KCNC3: variants seen among roughly 807,000 people sequenced by gnomAD.
KCNC3 encodes voltage-gated potassium channel KCNC3.
A neutral mutation model predicts 43.9 loss-of-function variants in KCNC3; 22 were observed. That is an observed-to-expected ratio of 0.50 (90% CI 0.36 to 0.72). KCNC3 has a LOEUF of 0.72. Among genes scored for constraint, KCNC3 ranks in the 30% least tolerant of loss-of-function variants. The probability of loss-of-function intolerance (pLI) is 0.00; values close to 1 mark genes in which losing one functional copy is unlikely to be tolerated. For synonymous variants in KCNC3, 492 were observed against 488.0 expected, an observed-to-expected ratio of 1.01 and a Z score of -0.11; for missense variants, 829 against 1,073.8, an observed-to-expected ratio of 0.77 and a Z score of 3.19.
At chr19:50,318,298 C>A (rs12972179) in intron 4 of KCNC3, among the ~76,000 whole-genome samples, 69,768 of 151,694 alleles carry the variant, frequency 0.46, 16,400 homozygotes, top group Non-Finnish European at 0.49. Flanking sequence ...CCCCAGCCTC[C>A]CAAGTAGCTG....
At chr19:50,329,866 CG>C, upstream of KCNC3, 1 of 152,476 alleles carries the variant, frequency 6.6e-6, no homozygotes, top group Non-Finnish European at 1.5e-5. Flanking sequence ...AGGGAGGGAG[CG>C]GGGCTGAGGC....
At chr19:50,317,118 G>C (rs1220411085) in intron 4 of KCNC3, among the ~76,000 whole-genome samples, 1 of 149,504 alleles carries the variant, frequency 6.7e-6, no homozygotes. Context: ...GGAAGGTAAA[G>C]GACTGGGAGT....
At chr19:50,320,924 AG>A in intron 2 of KCNC3, 140 bp from the exon 3 acceptor site, 1 of 653,824 alleles carries the variant, frequency 1.5e-6, no homozygotes, top group African/African-American at 1.9e-5. Context: ...ATTCAAGGGC[AG>A]GGTGATGGGA....
At chr19:50,322,464 C>T (rs1174747195) in intron 2 of KCNC3, among the ~76,000 whole-genome samples, 2 of 152,088 alleles carry the variant, frequency 1.3e-5, no homozygotes, top group Admixed American at 6.5e-5. Context: ...AACTCTCTGC[C>T]GCTGACCGCC....
chr19:50,329,011 C>A lies in KCNC3; in HGVS notation c.72G>T (p.Pro24=). 1 of 1,274,556 alleles carries A rather than the reference C, an allele frequency of 7.8e-7. No homozygotes were observed. Among genetic ancestry groups the A allele is most frequent in the Non-Finnish European group, 1.0e-6 (1 of 1,002,222 alleles). The allele number at this position is 1,274,556 out of a possible 1,614,324, so 79.0% of individuals were successfully genotyped here. A position where few individuals can be genotyped will look rare whatever the true frequency, so the allele number is the denominator to read the frequency against. The change falls in exon 1 of 5, where the codon CCG becomes CCT. Residue 24 remains proline (P), a synonymous_variant. Transcript: ENST00000477616. ...GCGGCGGGGACTCGGGCGGCTGCGG[C>A]GGTGGCGCCGGCTGCTGCTTGCTGG... is the stretch of plus-strand genomic sequence containing the variant. ...QGASKQQPAP[P]PQPPESPPPP...
At position 50,324,200 on chromosome 19, in the gene KCNC3, C is replaced by T; in HGVS notation, c.871-118G>A. On this transcript the variant is annotated intron_variant, in intron 1 of 4. Coordinates refer to ENST00000477616, the MANE Select transcript of KCNC3 (RefSeq NM_004977.3). The surrounding 1 kb of genome is among the most constrained non-coding windows in gnomAD (Gnocchi z 4.1). ...CAGCCTCCTGGGCCCAAACTCTGGG[C>T]AAAATCCAGGTGTCTCAGCCCTGTG... The T allele has an allele frequency of 1.0e-6, 1 of 1,002,570 alleles. No homozygotes were observed. The highest frequency in any genetic ancestry group is 1.7e-5 in the South Asian group (1 of 58,844). The allele number at this position is 1,002,570 out of a possible 1,614,324, so 62.1% of individuals were successfully genotyped here.
At position 50,324,103 on chromosome 19, in the gene KCNC3, G is replaced by C. The variant is rs116645906; in HGVS notation, c.871-21C>G. The C allele has an allele frequency of 3.0e-3, 4,680 of 1,562,576 alleles. 116 individuals are homozygous for C. In the African/African-American group the frequency reaches 0.057, roughly 19 times the overall value. On this transcript the variant is annotated intron_variant, in intron 1 of 4. Transcript: ENST00000477616. This position sits in a 1 kb window ranked among gnomAD's most constrained non-coding sequence, Gnocchi z 4.1. Reference sequence around the variant, plus strand: ...ACATACTGCAGGGCAGGGAGGGAGAGAGAGGGGGAGAGGTGACCTAGGCAT... The same window carrying C: ...ACATACTGCAGGGCAGGGAGGGAGACAGAGGGGGAGAGGTGACCTAGGCAT...
At position 50,323,958 on chromosome 19, in the gene KCNC3, G is replaced by A; in HGVS notation, c.995C>T (p.Ala332Val). The A allele has an allele frequency of 6.2e-7, 1 of 1,613,736 alleles. No homozygotes were observed. Residue 332 changes from alanine to valine, a missense_variant, in exon 2 of 5, where the codon GCA becomes GTA. Coordinates refer to ENST00000477616, the MANE Select transcript of KCNC3 (RefSeq NM_004977.3). Reference protein sequence around the residue: ...TVTQASPIPGAPPENITNVEV... With the variant: ...TVTQASPIPGVPPENITNVEV... ...CACGTTGGTGATGTTCTCCGGAGGT[G>A]CCCCGGGGATCGGGGAGGCCTGGGT... is the stretch of plus-strand genomic sequence containing the variant.
At position 50,320,306 on chromosome 19, in the gene KCNC3, T is replaced by C; in HGVS notation, c.2214A>G (p.Pro738=). ...PPLPPQDWRK[P]GPPSFLPDLN... ...GGTCGGGCAAGAAGCTTGGGGGGCCTGGCTTACGCCAGTCTTGGGGGGGCA... is the reference window on the plus strand; with the variant it reads ...GGTCGGGCAAGAAGCTTGGGGGGCCCGGCTTACGCCAGTCTTGGGGGGGCA... Residue 738 remains proline, a synonymous_variant, in exon 4 of 5, where the codon CCA becomes CCG. Transcript: ENST00000477616. 2.9e-6 allele frequency: 2 copies of C among 700,218 alleles called. No homozygotes were observed. The highest frequency in any genetic ancestry group is 3.9e-6 in the Non-Finnish European group (2 of 512,746). 43.4% of individuals were successfully genotyped at this position (700,218 alleles called of 1,614,324 possible).
At chr19:50,326,867 G>C (rs2037112965) in intron 1 of KCNC3, among the ~76,000 whole-genome samples, 2 of 140,096 alleles carry the variant, frequency 1.4e-5, no homozygotes, top group African/African-American at 5.2e-5. Context: ...AGGCTCTTTG[G>C]TTCACTTTGA....
Position 50,315,320 on chromosome 19 carries a change from G to A in KCNC3, c.*795C>T, listed in dbSNP as rs1222618277. ...GGAGAGACTCCGGATTAGGAGGCAG[G>A]TTGGTGCCCACCGAGCCTCCCCCGC... is the stretch of plus-strand genomic sequence containing the variant. On this transcript the variant is annotated 3_prime_UTR_variant, in exon 5 of 5. Transcript: ENST00000477616. Among the ~76,000 whole-genome samples the A allele has an allele frequency of 6.6e-6, 1 of 151,726 alleles. No individual in the cohort carries two copies. The highest frequency in any genetic ancestry group is 1.5e-5 in the Non-Finnish European group (1 of 67,922).
At chr19:50,317,436 G>C (rs2036971768) in intron 4 of KCNC3, among the ~76,000 whole-genome samples, 1 of 152,148 alleles carries the variant, frequency 6.6e-6, no homozygotes, top group South Asian at 2.1e-4. Context: ...GCTGTGGACA[G>C]GGATCCTTTA....
chr19:50,312,586 T>A lies in KCNC3; in HGVS notation c.*3529A>T, dbSNP rs537293725. The A allele has an allele frequency of 6.6e-6, 1 of 151,968 alleles. No individual in the cohort carries two copies. The highest frequency in any genetic ancestry group is 2.4e-5 in the African/African-American group (1 of 41,436). 9.4% of individuals were successfully genotyped at this position (151,968 alleles called of 1,614,324 possible). A position where few individuals can be genotyped will look rare whatever the true frequency, so the allele number is the denominator to read the frequency against. ...CACACTATTGACTTGGGGGATGGGG[T>A]GGGAGGGGAGGAGAATCACGTTTTG... On this transcript the variant is annotated 3_prime_UTR_variant, in exon 5 of 5. Coordinates refer to ENST00000477616, the MANE Select transcript of KCNC3 (RefSeq NM_004977.3).
intron 4 of KCNC3, among the ~76,000 whole-genome samples, chr19:50,319,260 C>T (rs906287309): frequency 9.2e-5 from 14 of 152,002 alleles, no homozygotes; most frequent in African/African-American, 2.7e-4. Context: ...CTCTCGGCCT[C>T]GTCCCTTCCT....
chr19:50,312,936 G>A lies in KCNC3; in HGVS notation c.*3179C>T, dbSNP rs1235329690. The A allele has an allele frequency of 6.6e-6, 1 of 152,122 alleles. No individual in the cohort carries two copies. The highest frequency in any genetic ancestry group is 1.5e-5 in the Non-Finnish European group (1 of 68,014). The allele number at this position is 152,122 out of a possible 1,614,324, so 9.4% of individuals were successfully genotyped here. A position where few individuals can be genotyped will look rare whatever the true frequency, so the allele number is the denominator to read the frequency against. The stretch of plus-strand genomic sequence containing the variant: ...ACCAGGGTTTAGGGTCCGAGGGAAG[G>A]ATGGGGGGGACTCAAAATGCCCCTT... On this transcript the variant is annotated 3_prime_UTR_variant, in exon 5 of 5. Coordinates refer to ENST00000477616, the MANE Select transcript of KCNC3 (RefSeq NM_004977.3).
intron 4 of KCNC3, 47 bp downstream of exon 4, chr19:50,320,176 G>A (rs2037008017): frequency 3.1e-6 from 1 of 317,660 alleles, no homozygotes; most frequent in Non-Finnish European, 5.7e-6. Flanking sequence ...TCAGGCAGGA[G>A]TGGGGAGTCT....
In KCNC3 at chr19:50,315,380, CTCCACTGG is replaced by C. The variant is rs1481219611; in HGVS notation, c.*727_*734del. The C allele has an allele frequency of 2.6e-5, 4 of 152,140 alleles. No individual in the cohort carries two copies. The highest frequency in any genetic ancestry group is 9.7e-5 in the African/African-American group (4 of 41,334). The allele number at this position is 152,140 out of a possible 1,614,324, so 9.4% of individuals were successfully genotyped here. On this transcript the variant is annotated 3_prime_UTR_variant, in exon 5 of 5. Coordinates refer to ENST00000477616, the MANE Select transcript of KCNC3 (RefSeq NM_004977.3). ...ACCACAGTCCACCGCCCTTCCCCCC[CTCCACTGG>C]TCCCCTCACCTGAGGCAAAAGGTGG...
At chr19:50,317,819 T>C (rs73060497) in intron 4 of KCNC3, among the ~76,000 whole-genome samples, 4,168 of 152,268 alleles carry the variant, frequency 0.027, 107 homozygotes, top group African/African-American at 0.068. Context: ...CCCCCAGAGA[T>C]GGGGTCTTAC....
At position 50,315,999 on chromosome 19, in the gene KCNC3, G is replaced by T. The variant is rs558663752; in HGVS notation, c.*116C>A. 2.5e-4 allele frequency: 84 copies of T among 329,954 alleles called. No homozygotes were observed. The South Asian group carries it at 3.9e-3, about 15-fold the overall frequency. The allele number at this position is 329,954 out of a possible 1,614,324, so 20.4% of individuals were successfully genotyped here. ...GGAGATTTGAAGCCCAGTGTCTTGG[G>T]GACACCCCCTCCCAGCCATTCCCAA... On this transcript the variant is annotated 3_prime_UTR_variant, in exon 5 of 5. Coordinates refer to ENST00000477616, the MANE Select transcript of KCNC3 (RefSeq NM_004977.3).
Sources: allele counts gnomAD v4.1 joint callset (sites outside exome capture counted in the v4.1 genomes callset), GRCh38; gene constraint gnomAD v4.1.1; non-coding constraint Gnocchi (gnomAD v3.1); transcripts MANE v1.5; gene names NCBI Gene and HGNC (gene_info 2026-07-23, HGNC 2026-07-21).